Variants in SNTG1 observed in about 807,000 individuals in gnomAD.
SNTG1 encodes gamma-1-syntrophin.
A neutral mutation model predicts 74.7 loss-of-function variants in SNTG1; 39 were observed. The ratio of observed to expected loss-of-function variants is 0.52; its 90% CI spans 0.40 to 0.68. The LOEUF is 0.68. Among genes scored for constraint, SNTG1 ranks in the 30% least tolerant of loss-of-function variants. The pLI is 0.00. For missense variants in SNTG1, 685 were observed against 609.5 expected, an observed-to-expected ratio of 1.12 and a Z score of -1.30; for synonymous variants, 254 against 217.1, an observed-to-expected ratio of 1.17 and a Z score of -1.49.
chr8:50,609,023 A>G (rs925960617), intron 13 of SNTG1, among the ~76,000 whole-genome samples: 2 of 152,024 alleles, frequency 1.3e-5, no homozygotes, highest in East Asian at 1.9e-4. Context: ...TTCATATTAC[A>G]TGCATGTATA....
chr8:50,757,698 G>T (rs940406030), intron 18 of SNTG1, among the ~76,000 whole-genome samples: 5 of 151,842 alleles, frequency 3.3e-5, no homozygotes, highest in African/African-American at 1.2e-4. Context: ...ACAGTTGGAT[G>T]AATATCCACA....
chr8:50,585,947 G>T (rs1198943776), intron 12 of SNTG1, among the ~76,000 whole-genome samples: 1 of 152,150 alleles, frequency 6.6e-6, no homozygotes, highest in East Asian at 1.9e-4. Context: ...AGAAATGAAG[G>T]TATACTATGT....
rs1008721731 is a variant in SNTG1 at position 50,022,644 on chromosome 8, T to G, written c.-103+110413T>G. On this transcript the variant is annotated intron_variant, in intron 1 of 18. Coordinates refer to ENST00000642720, the MANE Select transcript of SNTG1 (RefSeq NM_018967.5). ...GGAATACAGTGGTAGCCTAGCAGTT[T>G]GTTTGTTTTGTTCTTTCGTTCATCT... is the stretch of plus-strand genomic sequence containing the variant. Among the ~76,000 whole-genome samples, 3 of 152,180 alleles carry G rather than the reference T, an allele frequency of 2.0e-5. No homozygotes were observed. The South Asian group carries it at 6.2e-4, about 32-fold the overall frequency.
intron 2 of SNTG1, among the ~76,000 whole-genome samples, chr8:50,340,713 A>G (rs1452878507): frequency 6.6e-6 from 1 of 151,818 alleles, no homozygotes; most frequent in Admixed American, 6.6e-5. Context: ...TGAAAGAAAG[A>G]AGAAAACTGA....
At chr8:50,357,976 G>GT (rs144014954) in intron 2 of SNTG1, among the ~76,000 whole-genome samples, 8,443 of 151,140 alleles carry the variant, frequency 0.056, 296 homozygotes, top group Non-Finnish European at 0.079. Flanking sequence ...CCCTTTTTGT[G>GT]TTTTTTTTTA....
intron 2 of SNTG1, among the ~76,000 whole-genome samples, chr8:50,343,881 C>T (rs545098557): frequency 6.6e-6 from 1 of 152,202 alleles, no homozygotes; most frequent in South Asian, 2.1e-4. Context: ...AAAATACAGG[C>T]CTTAATATTA....
At chr8:50,340,991 C>A (rs2091299376) in intron 2 of SNTG1, among the ~76,000 whole-genome samples, 1 of 151,886 alleles carries the variant, frequency 6.6e-6, no homozygotes, top group Admixed American at 6.6e-5. Context: ...TTCATCTAAT[C>A]CAAACCTCCA....
intron 2 of SNTG1, among the ~76,000 whole-genome samples, chr8:50,291,988 GGT>G (rs148005020): frequency 5.3e-5 from 8 of 150,070 alleles, no homozygotes; most frequent in East Asian, 2.0e-4. Context: ...AATGAGGAAA[GGT>G]GTGTGTGTGT....
intron 2 of SNTG1, among the ~76,000 whole-genome samples, chr8:50,227,964 A>G (rs1254587996): frequency 6.6e-6 from 1 of 151,436 alleles, no homozygotes; most frequent in Non-Finnish European, 1.5e-5. Context: ...TAAGCAAAAC[A>G]CAGTCTGAAG....
chr8:50,450,743 T>G lies in SNTG1; in HGVS notation c.363+14T>G. 6.2e-7 allele frequency: 1 copy of G among 1,611,654 alleles called. No homozygotes were observed. Among genetic ancestry groups the G allele is most frequent in the East Asian group, 2.2e-5 (1 of 44,710 alleles). On this transcript the variant is annotated intron_variant, in intron 8 of 18. Coordinates refer to ENST00000642720, the MANE Select transcript of SNTG1 (RefSeq NM_018967.5). ...CATGAAGAAGTGGTGAGTTTACTTTTTCCTAATGTCATAGTTTTCCCCATG... is the reference window on the plus strand; with the variant it reads ...CATGAAGAAGTGGTGAGTTTACTTTGTCCTAATGTCATAGTTTTCCCCATG...
intron 1 of SNTG1, among the ~76,000 whole-genome samples, chr8:49,914,333 A>G (rs956788424): frequency 6.6e-5 from 10 of 150,728 alleles, no homozygotes; most frequent in African/African-American, 9.7e-5. Context: ...AGGTCTTGGG[A>G]GTACCAAACA....
chr8:49,977,995 A>G (rs1040566973), intron 1 of SNTG1, among the ~76,000 whole-genome samples: 6 of 152,190 alleles, frequency 3.9e-5, no homozygotes, highest in African/African-American at 1.4e-4. Flanking sequence ...AAATAATAAT[A>G]ATACAGATGC....
chr8:50,554,012 A>G (rs2094441670), intron 12 of SNTG1, among the ~76,000 whole-genome samples: 1 of 152,186 alleles, frequency 6.6e-6, no homozygotes, highest in Non-Finnish European at 1.5e-5. Flanking sequence ...ACAAATGATC[A>G]AGCAGAAATA....
At chr8:50,682,401 G>A (rs1427254169) in intron 15 of SNTG1, among the ~76,000 whole-genome samples, 1 of 152,054 alleles carries the variant, frequency 6.6e-6, no homozygotes, top group East Asian at 1.9e-4. Context: ...CAGGTGACCA[G>A]AGGTGACTCA....
At chr8:50,620,869 C>T (rs936113750) in intron 13 of SNTG1, among the ~76,000 whole-genome samples, 1 of 152,030 alleles carries the variant, frequency 6.6e-6, no homozygotes, top group Non-Finnish European at 1.5e-5. Context: ...ATGATCTTGG[C>T]CTTTATCTAG....
rs1168573658 is a variant in SNTG1 at position 50,795,046 on chromosome 8, T to C, written c.*2217T>C. 1 of 146,514 alleles carries C rather than the reference T, an allele frequency of 6.8e-6. No homozygotes were observed. Among genetic ancestry groups the C allele is most frequent in the Admixed American group, 6.9e-5 (1 of 14,400 alleles). 9.1% of individuals were successfully genotyped at this position (146,514 alleles called of 1,614,324 possible). A position where few individuals can be genotyped will look rare whatever the true frequency, so the allele number is the denominator to read the frequency against. ...AATACACACACACCTACATATGTATTTATATGCATACATGGGTGTATATAT... is the reference window on the plus strand; with the variant it reads ...AATACACACACACCTACATATGTATCTATATGCATACATGGGTGTATATAT... On this transcript the variant is annotated 3_prime_UTR_variant, in exon 19 of 19. Transcript: ENST00000642720.
At chr8:50,041,652 A>C (rs556183946) in intron 1 of SNTG1, among the ~76,000 whole-genome samples, 1 of 152,288 alleles carries the variant, frequency 6.6e-6, no homozygotes, top group African/African-American at 2.4e-5. Flanking sequence ...GCTGCAGGAA[A>C]TCTGTTAAGG....
At chr8:50,023,739 C>A (rs373402184) in intron 1 of SNTG1, among the ~76,000 whole-genome samples, 1 of 152,148 alleles carries the variant, frequency 6.6e-6, no homozygotes, top group East Asian at 1.9e-4. Flanking sequence ...TGCAGTTTCC[C>A]TTTTTTCCAA....
intron 4 of SNTG1, among the ~76,000 whole-genome samples, chr8:50,436,324 A>G (rs908254557): frequency 1.3e-5 from 2 of 152,162 alleles, no homozygotes; most frequent in African/African-American, 4.8e-5. Context: ...ATTTTGTAGG[A>G]AAAATAGTCA....
Sources: gnomAD v4.1 joint callset for allele counts (sites outside exome capture counted in the v4.1 genomes callset) on GRCh38, gnomAD v4.1.1 for gene constraint, MANE v1.5 for transcripts, NCBI Gene and HGNC (gene_info 2026-07-23, HGNC 2026-07-21) for gene names.